PITPNC1: variants seen among roughly 807,000 people sequenced by gnomAD.
PITPNC1 encodes phosphatidylinositol transfer protein cytoplasmic 1.
Under a neutral mutation model 44.7 loss-of-function variants are expected in PITPNC1, and 18 were observed. The ratio of observed to expected loss-of-function variants is 0.40; its 90% CI spans 0.28 to 0.60. The LOEUF (loss-of-function observed/expected upper bound fraction) is 0.60. Ranked by LOEUF, PITPNC1 falls within the 20% of genes least tolerant of loss-of-function variation. The pLI is 0.39. For synonymous variants in PITPNC1, 141 were observed against 149.6 expected (o/e 0.94, Z 0.42); for missense variants, 290 against 418.4 (o/e 0.69, Z 2.68).
intron 5 of PITPNC1, among the ~76,000 whole-genome samples, chr17:67,627,221 C>T (rs1345573837): frequency 1.3e-5 from 2 of 152,146 alleles, no homozygotes; most frequent in Non-Finnish European, 2.9e-5. Flanking sequence ...CCATCGCACT[C>T]CAGCCCGGGG....
rs200207207 is a variant in PITPNC1 at position 67,669,503 on chromosome 17, T to C, written c.463-5T>C. ...TATCAATTTCTTTGATTTTTTTTTT[T>C]CTAGGATCCTAAGCACTTCAAGTCA... On this transcript the variant is annotated splice_region_variant and splice_polypyrimidine_tract_variant and intron_variant, in intron 6 of 8. Transcript: ENST00000581322. The C allele has an allele frequency of 3.1e-3, 4,600 of 1,504,280 alleles. 13 individuals carry two copies. Among genetic ancestry groups the C allele is most frequent in the Admixed American group, 4.1e-3 (180 of 44,014 alleles). 93.2% of individuals were successfully genotyped at this position (1,504,280 alleles called of 1,614,324 possible).
chr17:67,683,603 C>T (rs887624532), intron 8 of PITPNC1, among the ~76,000 whole-genome samples: 1 of 152,148 alleles, frequency 6.6e-6, no homozygotes, highest in Non-Finnish European at 1.5e-5. Context: ...TAGGAATGTT[C>T]ATTCCTATGT....
chr17:67,584,651 A>G (rs1192149010), intron 5 of PITPNC1, among the ~76,000 whole-genome samples: 1 of 152,232 alleles, frequency 6.6e-6, no homozygotes, highest in East Asian at 1.9e-4. Flanking sequence ...AATAAGAGAC[A>G]TGATTACTGT....
At chr17:67,603,816 G>A (rs1413558865) in intron 5 of PITPNC1, among the ~76,000 whole-genome samples, 1 of 152,000 alleles carries the variant, frequency 6.6e-6, no homozygotes, top group Non-Finnish European at 1.5e-5. Context: ...TGTAATCCCA[G>A]CTGCTTGGGA....
intron 1 of PITPNC1, among the ~76,000 whole-genome samples, chr17:67,487,131 C>A (rs1023400195): frequency 6.6e-6 from 1 of 152,100 alleles, no homozygotes; most frequent in Non-Finnish European, 1.5e-5. Context: ...CCATTACAGA[C>A]AAATCACACC....
chr17:67,684,321 C>T (rs946123164), intron 8 of PITPNC1, among the ~76,000 whole-genome samples: 3 of 151,866 alleles, frequency 2.0e-5, no homozygotes, highest in Non-Finnish European at 2.9e-5. Flanking sequence ...CCATGTTGGC[C>T]GGGCTGGTCT....
At chr17:67,487,754 G>T (rs778676600) in intron 1 of PITPNC1, among the ~76,000 whole-genome samples, 18 of 152,178 alleles carry the variant, frequency 1.2e-4, no homozygotes, top group Non-Finnish European at 1.8e-4. Context: ...TGTTCTGGGG[G>T]CCACTGGTCT....
intron 1 of PITPNC1, among the ~76,000 whole-genome samples, chr17:67,472,861 C>A (rs925250280): frequency 3.3e-5 from 5 of 151,480 alleles, no homozygotes; most frequent in Non-Finnish European, 4.4e-5. Flanking sequence ...ATGCTAAAAC[C>A]AGCACCATAA....
intron 6 of PITPNC1, among the ~76,000 whole-genome samples, chr17:67,652,105 AT>A (rs2042215611): frequency 1.3e-5 from 2 of 152,294 alleles, no homozygotes; most frequent in South Asian, 4.1e-4. Flanking sequence ...TTTAGCATTT[AT>A]CAAAAACTTC....
chr17:67,554,668 C>T (rs2040812044), intron 4 of PITPNC1, among the ~76,000 whole-genome samples: 1 of 152,064 alleles, frequency 6.6e-6, no homozygotes, highest in South Asian at 2.1e-4. Flanking sequence ...TTTGTCATGC[C>T]CTGGGCAGGA....
intron 1 of PITPNC1, among the ~76,000 whole-genome samples, chr17:67,435,205 C>T (rs2038921216): frequency 6.6e-6 from 1 of 151,908 alleles, no homozygotes; most frequent in African/African-American, 2.4e-5. Context: ...TACGCAACCT[C>T]AGTTACTTCA....
chr17:67,575,874 C>CCTTTTTTTTTTTTTT (rs777390217), intron 4 of PITPNC1, among the ~76,000 whole-genome samples: 3 of 18,532 alleles, frequency 1.6e-4, no homozygotes, highest in African/African-American at 4.4e-4. Context: ...TTCTTTCTTT[C>CCTTTTTTTTTTTTTT]TTTCCTTTTT....
intron 1 of PITPNC1, among the ~76,000 whole-genome samples, chr17:67,396,884 G>A (rs1337152293): frequency 3.3e-5 from 5 of 151,756 alleles, no homozygotes; most frequent in African/African-American, 4.8e-5. Flanking sequence ...TCAACTCCTG[G>A]GCTCAAGGAA....
intron 5 of PITPNC1, among the ~76,000 whole-genome samples, chr17:67,623,456 T>C (rs573893792): frequency 1.3e-5 from 2 of 152,336 alleles, no homozygotes; most frequent in Non-Finnish European, 2.9e-5. Context: ...CTTGGCTCAC[T>C]GCAATCTCCA....
At chr17:67,657,725 A>G (rs1365178808) in intron 6 of PITPNC1, among the ~76,000 whole-genome samples, 6 of 152,210 alleles carry the variant, frequency 3.9e-5, no homozygotes, top group Admixed American at 3.9e-4. Flanking sequence ...ATACCCAAAT[A>G]TAATTCTATA....
intron 1 of PITPNC1, chr17:67,457,931 C>T (rs2039279000): frequency 6.6e-6 from 1 of 152,142 alleles, no homozygotes; most frequent in Admixed American, 6.5e-5. Context: ...TTGACTGAGC[C>T]CCAGAGGCCA....
rs1438012602 is a variant in PITPNC1 at position 67,553,881 on chromosome 17, C to A, written c.294+264C>A. Among the ~76,000 whole-genome samples, 4 of 152,146 alleles carry A rather than the reference C, an allele frequency of 2.6e-5. 1 individual carries two copies. The highest frequency in any genetic ancestry group is 6.6e-5 in the Admixed American group (1 of 15,264). On this transcript the variant is annotated intron_variant, in intron 4 of 8. Transcript: ENST00000581322. ...GCCTTTGCTTGTAATTTTTAAATAG[C>A]TTGACTGCTTTGTTGGTGATAGTTC...
intron 6 of PITPNC1, chr17:67,637,967 A>G (rs959683914): frequency 6.6e-6 from 1 of 152,114 alleles, no homozygotes; most frequent in African/African-American, 2.4e-5. Context: ...CATAAGAGTC[A>G]TAAAGCTGTT....
chr17:67,401,124 G>A (rs1018532961), intron 1 of PITPNC1, among the ~76,000 whole-genome samples: 8 of 152,026 alleles, frequency 5.3e-5, no homozygotes, highest in Non-Finnish European at 8.8e-5. Context: ...TAGTAGAGAC[G>A]GGGTTTCACC....
Sources: gnomAD v4.1 joint callset for allele counts (sites outside exome capture counted in the v4.1 genomes callset) on GRCh38, gnomAD v4.1.1 for gene constraint, MANE v1.5 for transcripts, NCBI Gene and HGNC (gene_info 2026-07-23, HGNC 2026-07-21) for gene names.